FRAS1: variants seen among roughly 807,000 people sequenced by gnomAD.
FRAS1 encodes Fraser extracellular matrix complex subunit 1.
A neutral mutation model predicts 435.2 loss-of-function variants in FRAS1; 290 were observed. That is an observed-to-expected ratio of 0.67 (90% CI 0.61 to 0.73). FRAS1 has a LOEUF of 0.73. FRAS1 is among the 30% of genes least tolerant of loss of function. FRAS1 has a pLI of 0.00. For missense variants in FRAS1, 4,860 were observed against 5,001.5 expected (o/e 0.97, Z 0.85); for synonymous variants, 1,800 against 1,851.0 (o/e 0.97, Z 0.71).
At chr4:78,391,285 T>A (rs776241782) in intron 29 of FRAS1, among the ~76,000 whole-genome samples, 3 of 152,216 alleles carry the variant, frequency 2.0e-5, no homozygotes, top group Admixed American at 2.0e-4. Context: ...ACCTCCAGCC[T>A]TATACTGAGT....
chr4:78,326,864 C>A (rs1350830461), intron 18 of FRAS1, among the ~76,000 whole-genome samples: 1 of 152,038 alleles, frequency 6.6e-6, no homozygotes, highest in Non-Finnish European at 1.5e-5. Flanking sequence ...CTATCCACCC[C>A]CACACACACT....
chr4:78,446,561 G>T, intron 42 of FRAS1, 166 bp from the exon 43 acceptor site: 3 of 1,382,342 alleles, frequency 2.2e-6, no homozygotes, highest in Non-Finnish European at 2.8e-6. Flanking sequence ...GCCTGGACTT[G>T]CTCTCTTTTC....
intron 18 of FRAS1, among the ~76,000 whole-genome samples, chr4:78,329,882 G>A (rs944197798): frequency 1.3e-5 from 2 of 152,238 alleles, no homozygotes; most frequent in South Asian, 2.1e-4. Flanking sequence ...TAAACCCCAT[G>A]ACTTGGATTA....
At chr4:78,161,742 CAAAAAAAAA>C (rs71214399) in intron 2 of FRAS1, among the ~76,000 whole-genome samples, 16 of 24,886 alleles carry the variant, frequency 6.4e-4, no homozygotes, top group African/African-American at 2.5e-3. Context: ...AACTCTGTCT[CAAAAAAAAA>C]AAAAAAAAAA....
At chr4:78,372,099 T>A (rs769192822) in intron 23 of FRAS1, among the ~76,000 whole-genome samples, 1 of 152,226 alleles carries the variant, frequency 6.6e-6, no homozygotes, top group East Asian at 1.9e-4. Flanking sequence ...CAAATTAACA[T>A]GTAATTGAGT....
intron 2 of FRAS1, among the ~76,000 whole-genome samples, chr4:78,099,851 C>T (rs145033987): frequency 5.4e-4 from 83 of 152,294 alleles, no homozygotes; most frequent in African/African-American, 1.9e-3. Context: ...TTATTACAGT[C>T]ATCGTTCCTT....
chr4:78,519,209 A>T, intron 66 of FRAS1, 122 bp from the exon 67 acceptor site: 1 of 775,748 alleles, frequency 1.3e-6, no homozygotes, highest in Non-Finnish European at 1.9e-6. Context: ...GCACTTGCTT[A>T]ATAATTATTG....
At chr4:78,166,947 C>A (rs1401028272) in intron 2 of FRAS1, among the ~76,000 whole-genome samples, 3 of 152,174 alleles carry the variant, frequency 2.0e-5, no homozygotes, top group Admixed American at 6.5e-5. Flanking sequence ...CTGTTGTCAA[C>A]CTGTGTTCCT....
rs1047073171 is a variant in FRAS1 at position 78,455,617 on chromosome 4, A to G, written c.6763+3263A>G. On this transcript the variant is annotated intron_variant, in intron 47 of 73. Transcript: ENST00000512123. The stretch of plus-strand genomic sequence containing the variant: ...TGCTGTCTTGCTTGGTCAGCTGATT[A>G]TAATTGATTGTCCTCTGTAGACAGG... Among the ~76,000 whole-genome samples, 13 of 152,336 alleles carry G rather than the reference A, an allele frequency of 8.5e-5. No individual in the cohort carries two copies. The East Asian group carries it at 1.7e-3, about 20-fold the overall frequency.
intron 20 of FRAS1, among the ~76,000 whole-genome samples, chr4:78,358,112 A>G (rs1458443881): frequency 6.6e-6 from 1 of 152,194 alleles, no homozygotes; most frequent in Non-Finnish European, 1.5e-5. Context: ...TAAATACTCA[A>G]TTAAAATGAT....
At chr4:78,487,779 A>C (rs1720217234) in intron 58 of FRAS1, among the ~76,000 whole-genome samples, 1 of 152,186 alleles carries the variant, frequency 6.6e-6, no homozygotes, top group Non-Finnish European at 1.5e-5. Flanking sequence ...TATACCAACA[A>C]TTCTATATTA....
chr4:78,267,276 T>C lies in FRAS1; in HGVS notation c.825T>C (p.Cys275=), dbSNP rs759868646. ...GGGCTCGGCGTCATGGGCAATGCTG[T>C]GAGGAATGTGTGTCTCCTGCCGGGA... The part of the protein sequence containing the change: ...QSRARRHGQC[C]EECVSPAGSC... The change falls in exon 9 of 74, where the codon TGT becomes TGC. Residue 275 remains cysteine (C), a synonymous_variant. Coordinates refer to ENST00000512123, the MANE Select transcript of FRAS1 (RefSeq NM_025074.7). 1.9e-6 allele frequency: 3 copies of C among 1,613,586 alleles called. No individual in the cohort carries two copies. The highest frequency in any genetic ancestry group is 1.3e-5 in the African/African-American group (1 of 74,858).
At chr4:78,312,879 G>GAGAGAAAGAAAGAA (rs143465313) in intron 15 of FRAS1, among the ~76,000 whole-genome samples, 3 of 129,074 alleles carry the variant, frequency 2.3e-5, no homozygotes, top group Admixed American at 8.3e-5. Flanking sequence ...GAGAGAGAGA[G>GAGAGAAAGAAAGAA]AGAAAGAAAG....
At chr4:78,118,130 G>T (rs1290578194) in intron 2 of FRAS1, among the ~76,000 whole-genome samples, 5 of 152,330 alleles carry the variant, frequency 3.3e-5, no homozygotes, top group Admixed American at 2.0e-4. Context: ...CAGCAGCGGA[G>T]CCTGCAGAAC....
chr4:78,297,069 G>A (rs996211630), intron 14 of FRAS1, among the ~76,000 whole-genome samples: 9 of 152,184 alleles, frequency 5.9e-5, no homozygotes, highest in East Asian at 5.8e-4. Flanking sequence ...AAAACTTGGC[G>A]AGTACTACCT....
At chr4:78,279,258 T>C (rs1727207545) in intron 10 of FRAS1, among the ~76,000 whole-genome samples, 1 of 152,164 alleles carries the variant, frequency 6.6e-6, no homozygotes, top group South Asian at 2.1e-4. Context: ...TGGAGTCTGG[T>C]AGGAACTTAG....
At chr4:78,152,747 G>A (rs1720722145) in intron 2 of FRAS1, among the ~76,000 whole-genome samples, 1 of 151,034 alleles carries the variant, frequency 6.6e-6, no homozygotes, top group Admixed American at 6.6e-5. Context: ...GACACTTGTT[G>A]AGGTCTCACT....
chr4:78,512,766 GAACAGCACACTGCA>G, intron 64 of FRAS1, among the ~76,000 whole-genome samples: 1 of 152,320 alleles, frequency 6.6e-6, no homozygotes, highest in East Asian at 1.9e-4. Context: ...GTAGATCAAG[GAACAGCACACTGCA>G]GATTGAGGCT....
chr4:78,381,351 T>TG (rs1732007910), intron 27 of FRAS1, among the ~76,000 whole-genome samples: 1 of 152,230 alleles, frequency 6.6e-6, no homozygotes, highest in Non-Finnish European at 1.5e-5. Flanking sequence ...TCACTCAGGC[T>TG]GGAGTACAGT....
Sources: allele counts gnomAD v4.1 joint callset (sites outside exome capture counted in the v4.1 genomes callset), GRCh38; gene constraint gnomAD v4.1.1; transcripts MANE v1.5; gene names NCBI Gene and HGNC (gene_info 2026-07-23, HGNC 2026-07-21).